Variants in PDE11A observed in about 807,000 individuals in gnomAD.
The protein encoded by PDE11A is phosphodiesterase 11A.
In PDE11A, 100 loss-of-function variants were observed where a neutral mutation model predicts 100.5. The ratio of observed to expected loss-of-function variants is 1.00; its 90% CI spans 0.85 to 1.18. The LOEUF (loss-of-function observed/expected upper bound fraction) is 1.18, where lower values mean the gene tolerates loss of function less well. Among genes scored for constraint, PDE11A ranks in the 50% most tolerant of loss-of-function variants. The pLI, the probability that PDE11A is intolerant of heterozygous loss-of-function variation, is 0.00. For missense variants in PDE11A, 1,141 were observed against 1,152.6 expected (o/e 0.99, Z 0.15); for synonymous variants, 381 against 420.8 (o/e 0.91, Z 1.16).
intron 2 of PDE11A, among the ~76,000 whole-genome samples, chr2:177,981,976 G>A (rs2085888795): frequency 6.6e-6 from 1 of 150,876 alleles, no homozygotes; most frequent in African/African-American, 2.4e-5. Flanking sequence ...CTGGTCTTGA[G>A]GCAAAGAAAA....
upstream of PDE11A, among the ~76,000 whole-genome samples, chr2:178,075,387 A>T (rs977662193): frequency 1.3e-5 from 2 of 151,924 alleles, no homozygotes; most frequent in Admixed American, 6.6e-5. Context: ...CCCCATCTCT[A>T]CTAAAAATAC....
intron 18 of PDE11A, among the ~76,000 whole-genome samples, chr2:177,665,167 CTT>C (rs2080550242): frequency 6.6e-6 from 1 of 152,000 alleles, no homozygotes; most frequent in South Asian, 2.1e-4. Flanking sequence ...TAATATGAGT[CTT>C]GATCCAAAAT....
At chr2:177,799,227 A>G (rs2082749837) in intron 9 of PDE11A, among the ~76,000 whole-genome samples, 1 of 152,216 alleles carries the variant, frequency 6.6e-6, no homozygotes, top group African/African-American at 2.4e-5. Context: ...AGACATGATG[A>G]ATCAATGTAA....
intron 5 of PDE11A, among the ~76,000 whole-genome samples, chr2:177,864,225 G>T (rs2083992288): frequency 6.6e-6 from 1 of 152,100 alleles, no homozygotes; most frequent in Non-Finnish European, 1.5e-5. Context: ...GGAGATGTAG[G>T]TCGGAGGATA....
At chr2:177,841,252 T>G (rs1416469181) in intron 5 of PDE11A, among the ~76,000 whole-genome samples, 2 of 152,188 alleles carry the variant, frequency 1.3e-5, no homozygotes, top group Non-Finnish European at 2.9e-5. Context: ...GCCGTGGAGA[T>G]ACAAAATTGA....
At chr2:177,746,350 T>G (rs532626189) in intron 10 of PDE11A, among the ~76,000 whole-genome samples, 3 of 151,972 alleles carry the variant, frequency 2.0e-5, no homozygotes, top group Non-Finnish European at 4.4e-5. Context: ...GGCGGATAGA[T>G]CTGGGAGGAA....
intron 6 of PDE11A, among the ~76,000 whole-genome samples, chr2:177,821,548 T>C (rs2083139529): frequency 6.6e-6 from 1 of 151,878 alleles, no homozygotes; most frequent in South Asian, 2.1e-4. Context: ...TTTAAAGTTT[T>C]TGCAAAGTAC....
At chr2:177,747,778 A>T (rs2081972595) in intron 10 of PDE11A, among the ~76,000 whole-genome samples, 2 of 152,176 alleles carry the variant, frequency 1.3e-5, no homozygotes, top group Admixed American at 1.3e-4. Context: ...CCTTGGTCTC[A>T]TCCTCAGCTC....
chr2:177,778,997 A>T (rs1209019414), intron 9 of PDE11A, among the ~76,000 whole-genome samples: 1 of 152,196 alleles, frequency 6.6e-6, no homozygotes, highest in Non-Finnish European at 1.5e-5. Flanking sequence ...ATACCTGCCA[A>T]ACATGGGGTA....
rs6734528 is a variant in PDE11A at position 177,629,003 on chromosome 2, G to C, written c.*404C>G. Reference sequence around the variant, plus strand: ...CAGGGACAGGAAGCAAAGACAGGCAGTGTTTGGCTTGTAACAAACAGAAAA... The same window carrying C: ...CAGGGACAGGAAGCAAAGACAGGCACTGTTTGGCTTGTAACAAACAGAAAA... On this transcript the variant is annotated 3_prime_UTR_variant, in exon 20 of 20. Coordinates refer to ENST00000286063, the MANE Select transcript of PDE11A (RefSeq NM_016953.4). 4.8e-6 allele frequency: 1 copy of C among 209,322 alleles called. No homozygotes were observed. The highest frequency in any genetic ancestry group is 9.8e-6 in the Non-Finnish European group (1 of 102,172). The allele number at this position is 209,322 out of a possible 1,614,324, so 13.0% of individuals were successfully genotyped here.
chr2:177,660,031 TTTTCTTTCTTTC>T lies in PDE11A; in HGVS notation c.2646+3823_2646+3834del, dbSNP rs1173068300. Among the ~76,000 whole-genome samples, 139 of 125,630 alleles carry T rather than the reference TTTTCTTTCTTTC, an allele frequency of 1.1e-3. 2 individuals carry two copies. Among genetic ancestry groups the T allele is most frequent in the African/African-American group, 3.1e-3 (105 of 34,026 alleles). The allele number at this position is 125,630 out of a possible 152,430, so 82.4% of individuals were successfully genotyped here. A position where few individuals can be genotyped will look rare whatever the true frequency, so the allele number is the denominator to read the frequency against. ...TCACGACTTCATCCTGTTACAATCA[TTTTCTTTCTTTC>T]TTTCTTTCTTTCTTTCTTTCTTTCT... On this transcript the variant is annotated intron_variant, in intron 19 of 19. Coordinates refer to ENST00000286063, the MANE Select transcript of PDE11A (RefSeq NM_016953.4).
intron 1 of PDE11A, among the ~76,000 whole-genome samples, chr2:178,068,704 G>A (rs1459739056): frequency 1.3e-5 from 2 of 150,346 alleles, no homozygotes; most frequent in African/African-American, 4.8e-5. Flanking sequence ...GTATTTGGAA[G>A]GTTGTCGGTT....
intron 5 of PDE11A, among the ~76,000 whole-genome samples, chr2:177,866,243 TCCAAGC>T (rs2084027568): frequency 1.3e-5 from 2 of 152,136 alleles, no homozygotes; most frequent in South Asian, 2.1e-4. Flanking sequence ...CGCCTCTGGG[TCCAAGC>T]CTCCCCTGGA....
At chr2:178,079,111 GA>G (rs1159836902) in intron 2 of PDE11A, among the ~76,000 whole-genome samples, 5 of 152,142 alleles carry the variant, frequency 3.3e-5, no homozygotes, top group Non-Finnish European at 5.9e-5. Context: ...ACAAAAGGAG[GA>G]AAAAGCTGGA....
At chr2:177,936,350 A>G (rs2105768206) in intron 2 of PDE11A, among the ~76,000 whole-genome samples, 1 of 152,300 alleles carries the variant, frequency 6.6e-6, no homozygotes, top group African/African-American at 2.4e-5. Context: ...ACATTCTGCG[A>G]GTGACACCAG....
chr2:178,104,861 A>C (rs1399385837), intron 1 of PDE11A, among the ~76,000 whole-genome samples: 1 of 152,222 alleles, frequency 6.6e-6, no homozygotes, highest in Non-Finnish European at 1.5e-5. Flanking sequence ...ATATAGGTCT[A>C]ATTTTGCAAC....
chr2:177,924,197 T>G (rs77875820), intron 2 of PDE11A, among the ~76,000 whole-genome samples: 14,268 of 152,232 alleles, frequency 0.094, 662 homozygotes, highest in Middle Eastern at 0.15. Context: ...ATTCTTGTCT[T>G]CACTTACTCA....
At chr2:177,876,744 G>T (rs1311769068) in intron 4 of PDE11A, among the ~76,000 whole-genome samples, 1 of 148,120 alleles carries the variant, frequency 6.8e-6, no homozygotes, top group Admixed American at 6.6e-5. Flanking sequence ...GGCATGAAAG[G>T]AATTCTCTCT....
At chr2:178,043,030 T>C (rs2086703426) in intron 1 of PDE11A, among the ~76,000 whole-genome samples, 1 of 152,178 alleles carries the variant, frequency 6.6e-6, no homozygotes, top group South Asian at 2.1e-4. Context: ...TAAAAATAAA[T>C]CATTTGCCTT....
Sources: allele counts gnomAD v4.1 joint callset (sites outside exome capture counted in the v4.1 genomes callset), GRCh38; gene constraint gnomAD v4.1.1; transcripts MANE v1.5; gene names NCBI Gene and HGNC (gene_info 2026-07-23, HGNC 2026-07-21).